SPART: variants seen among roughly 807,000 people sequenced by gnomAD.
SPART encodes spartin.
In SPART, 35 loss-of-function variants were observed where a neutral mutation model predicts 58.7. The ratio of observed to expected loss-of-function variants is 0.60; its 90% CI spans 0.46 to 0.79. The LOEUF is 0.79. Among genes scored for constraint, SPART ranks in the 30% least tolerant of loss-of-function variants. The pLI is 0.00. For missense variants in SPART, 730 were observed against 786.1 expected (o/e 0.93, Z 0.85); for synonymous variants, 284 against 280.7 (o/e 1.01, Z -0.12).
At chr13:36,362,762 G>A (rs931236369) in intron 1 of SPART, among the ~76,000 whole-genome samples, 1 of 150,368 alleles carries the variant, frequency 6.7e-6, no homozygotes, top group Non-Finnish European at 1.5e-5. Context: ...AAAACCAACA[G>A]CAAGAAAGCA....
chr13:36,356,150 C>G (rs1885613236), intron 1 of SPART, among the ~76,000 whole-genome samples: 1 of 152,192 alleles, frequency 6.6e-6, no homozygotes, highest in African/African-American at 2.4e-5. Flanking sequence ...TAATTGCCTT[C>G]TACTCCGGAG....
At chr13:36,343,855 G>T (rs1455259866) in intron 1 of SPART, among the ~76,000 whole-genome samples, 1 of 152,100 alleles carries the variant, frequency 6.6e-6, no homozygotes, top group Non-Finnish European at 1.5e-5. Context: ...ATTCAAATCA[G>T]TTCATGGATC....
At chr13:36,329,749 C>A (rs1158834834) in intron 3 of SPART, among the ~76,000 whole-genome samples, 1 of 152,160 alleles carries the variant, frequency 6.6e-6, no homozygotes, top group African/African-American at 2.4e-5. Flanking sequence ...TTTCAAAAGA[C>A]AACGTGTAAA....
chr13:36,352,411 T>C (rs1376917040), intron 1 of SPART, among the ~76,000 whole-genome samples: 2 of 152,184 alleles, frequency 1.3e-5, no homozygotes, highest in Non-Finnish European at 2.9e-5. Flanking sequence ...TTATTTTCTA[T>C]TATATGTGTA....
At chr13:36,367,176 GCTCTTAGAGCCAGGCCAGCAAC>G (rs1340612166) in intron 1 of SPART, among the ~76,000 whole-genome samples, 1 of 152,114 alleles carries the variant, frequency 6.6e-6, no homozygotes, top group African/African-American at 2.4e-5. Flanking sequence ...TAAAGCCCTG[GCTCTTAGAGCCAGGCCAGCAAC>G]CTTTGATATG....
chr13:36,331,388 A>G lies in SPART; in HGVS notation c.1008+11T>C, dbSNP rs376120641. ...GATTTTTTTCACCCTAAAGATGATC[A>G]CACAAGTTACCTGGAGCCGAAGGTC... On this transcript the variant is annotated intron_variant, in intron 3 of 8. Transcript: ENST00000438666. 9.3e-6 allele frequency: 15 copies of G among 1,613,290 alleles called. No individual in the cohort carries two copies. The highest frequency in any genetic ancestry group is 1.3e-5 in the Non-Finnish European group (15 of 1,179,362).
intron 1 of SPART, chr13:36,365,645 G>T (rs778899756): frequency 2.2e-6 from 1 of 464,740 alleles, no homozygotes; most frequent in Non-Finnish European, 4.4e-6. Context: ...CTAGTTTTTT[G>T]ACTTTGTAAG....
rs1490515691 is a variant in SPART at position 36,335,446 on chromosome 13, G to C, written c.385C>G (p.Pro129Ala). Residue 129 changes from proline to alanine, a missense_variant, in exon 2 of 9, where the codon CCT becomes GCT. Coordinates refer to ENST00000438666, the MANE Select transcript of SPART (RefSeq NM_015087.5). ...PKDMCEKLPE[P>A]QSFSSAPQHA... Reference sequence around the variant, plus strand: ...TGAGGAGCTGAACTAAAAGACTGAGGCTCTGGTAATTTTTCACACATGTCT... The same window carrying C: ...TGAGGAGCTGAACTAAAAGACTGAGCCTCTGGTAATTTTTCACACATGTCT... 6.2e-7 allele frequency: 1 copy of C among 1,614,090 alleles called. No individual in the cohort carries two copies.
At chr13:36,368,998 A>G (rs1886173872) in intron 1 of SPART, among the ~76,000 whole-genome samples, 1 of 152,232 alleles carries the variant, frequency 6.6e-6, no homozygotes, top group Non-Finnish European at 1.5e-5. Flanking sequence ...TTTCTGTCTC[A>G]AAAAATAAAA....
intron 5 of SPART, among the ~76,000 whole-genome samples, chr13:36,314,738 T>C (rs1291102516): frequency 2.6e-5 from 4 of 152,198 alleles, no homozygotes; most frequent in African/African-American, 9.7e-5. Flanking sequence ...TACTGTTAGG[T>C]ATTAATTTTT....
At chr13:36,351,350 T>C (rs1885403659), upstream of SPART, among the ~76,000 whole-genome samples, 1 of 152,090 alleles carries the variant, frequency 6.6e-6, no homozygotes, top group Admixed American at 6.5e-5. Flanking sequence ...ATATTGGTAG[T>C]AATACATGAA....
At chr13:36,314,188 TA>T in intron 6 of SPART, 38 bp downstream of exon 6, 1 of 1,559,524 alleles carries the variant, frequency 6.4e-7, no homozygotes, top group Middle Eastern at 1.7e-4. Context: ...TTATTTTAAA[TA>T]TAACTTTAAA....
At chr13:36,361,209 G>C (rs921302402) in intron 1 of SPART, among the ~76,000 whole-genome samples, 2 of 151,758 alleles carry the variant, frequency 1.3e-5, no homozygotes, top group African/African-American at 4.8e-5. Flanking sequence ...TCAAACTTTT[G>C]GGAACAAAAT....
chr13:36,320,487 T>C (rs935370167), intron 5 of SPART, among the ~76,000 whole-genome samples: 2 of 152,192 alleles, frequency 1.3e-5, no homozygotes, highest in African/African-American at 4.8e-5. Context: ...TATGCTATAG[T>C]ACAAGCCACT....
rs183643975 is a variant in SPART, at chr13:36,316,547, G to T, written c.1289-2126C>A. On this transcript the variant is annotated intron_variant, in intron 5 of 8. Coordinates refer to ENST00000438666, the MANE Select transcript of SPART (RefSeq NM_015087.5). Reference sequence around the variant, plus strand: ...TTCCTGGCTCATCCTGGCTCAAAAAGCACCCCCACTGAGCACCTTGCGACC... The same window carrying T: ...TTCCTGGCTCATCCTGGCTCAAAAATCACCCCCACTGAGCACCTTGCGACC... Among the ~76,000 whole-genome samples the T allele has an allele frequency of 2.2e-3, 333 of 152,102 alleles. 1 individual carries two copies. Among genetic ancestry groups the T allele is most frequent in the African/African-American group, 7.8e-3 (323 of 41,494 alleles).
chr13:36,353,030 G>A (rs1885480834), intron 1 of SPART, among the ~76,000 whole-genome samples: 1 of 152,148 alleles, frequency 6.6e-6, no homozygotes, highest in African/African-American at 2.4e-5. Context: ...AAAAGACTCA[G>A]AACGAAATTT....
chr13:36,323,140 G>A (rs1566120355), intron 5 of SPART, among the ~76,000 whole-genome samples: 3 of 152,120 alleles, frequency 2.0e-5, no homozygotes, highest in African/African-American at 7.2e-5. Context: ...TGATCATTCC[G>A]TCTCACTCCA....
At chr13:36,327,020 A>G (rs1013076380) in intron 4 of SPART, among the ~76,000 whole-genome samples, 1 of 152,132 alleles carries the variant, frequency 6.6e-6, no homozygotes, top group Admixed American at 6.6e-5. Flanking sequence ...TATCATCCCT[A>G]GATATTAGTG....
At chr13:36,332,090 C>T (rs1246718062) in intron 2 of SPART, among the ~76,000 whole-genome samples, 4 of 152,096 alleles carry the variant, frequency 2.6e-5, no homozygotes, top group African/African-American at 7.2e-5. Context: ...AATTGAGGCA[C>T]AGAGAGGTCA....
Sources: allele counts gnomAD v4.1 joint callset (sites outside exome capture counted in the v4.1 genomes callset), GRCh38; gene constraint gnomAD v4.1.1; transcripts MANE v1.5; gene names NCBI Gene and HGNC (gene_info 2026-07-23, HGNC 2026-07-21).